CHD4: variants seen among roughly 807,000 people sequenced by gnomAD.
The protein encoded by CHD4 is chromodomain helicase DNA binding protein 4.
Under a neutral mutation model 235.5 loss-of-function variants are expected in CHD4, and 35 were observed. The observed-to-expected ratio is 0.15, with a 90% confidence interval of 0.11 to 0.20. CHD4 has a LOEUF of 0.20. Among genes scored for constraint, CHD4 ranks in the 10% least tolerant of loss-of-function variants. CHD4 has a pLI of 1.00. For missense variants in CHD4, 1,329 were observed against 2,432.3 expected (o/e 0.55, Z 9.54); for synonymous variants, 900 against 850.2 (o/e 1.06, Z -1.02).
chr12:6,583,777 G>A (rs951634838), intron 25 of CHD4: 7 of 164,156 alleles, frequency 4.3e-5, no homozygotes, highest in Admixed American at 3.8e-4. Context: ...GAGAAGGAAG[G>A]AGAGGATGAC....
At chr12:6,591,317 C>T (rs544978160) in intron 22 of CHD4, 149 bp downstream of exon 22, 28 of 632,922 alleles carry the variant, frequency 4.4e-5, no homozygotes, top group African/African-American at 4.0e-4. Context: ...CCAATACATT[C>T]GTCCAATTGA....
At chr12:6,571,359 T>G in intron 38 of CHD4, 1 of 276,666 alleles carries the variant, frequency 3.6e-6, no homozygotes, top group Non-Finnish European at 6.8e-6. Flanking sequence ...ATTCTTTTCC[T>G]TATTTCACCC....
chr12:6,584,095 T>C (rs540472922), intron 25 of CHD4: 28 of 152,204 alleles, frequency 1.8e-4, no homozygotes, highest in Non-Finnish European at 3.2e-4. Context: ...AGATGGAAAA[T>C]ATTCAGAGAA....
At position 6,581,018 on chromosome 12, in the gene CHD4, A is replaced by AC. The variant is rs1445891137; in HGVS notation, c.4909+25_4909+26insG. 1.9e-6 allele frequency: 3 copies of AC among 1,611,686 alleles called. No homozygotes were observed. The East Asian group carries it at 6.7e-5, about 36-fold the overall frequency. On this transcript the variant is annotated intron_variant, in intron 33 of 39. Transcript: ENST00000544040. ...TACACTGTCTCAAAACAAACAAACA[A>AC]ACAAAAAAAATGTGGATACCTTTAC...
chr12:6,588,695 T>A (rs1252633658), intron 22 of CHD4, among the ~76,000 whole-genome samples: 1 of 151,864 alleles, frequency 6.6e-6, no homozygotes, highest in Admixed American at 6.6e-5. Flanking sequence ...GGAGAACCGC[T>A]TGAACCTGGT....
In CHD4 at chr12:6,600,525, GAA is replaced by G; in HGVS notation, c.1063+7_1063+8del. 6.2e-7 allele frequency: 1 copy of G among 1,610,254 alleles called. No homozygotes were observed. Among genetic ancestry groups the G allele is most frequent in the Non-Finnish European group, 8.5e-7 (1 of 1,179,270 alleles). ...CATCCCATCACAAATATACAGAAGA[GAA>G]ACACACCTTTCTTTTTCTTTTTAGT... On this transcript the variant is annotated splice_region_variant and intron_variant, in intron 8 of 39. Transcript: ENST00000544040.
At chr12:6,606,906 C>G (rs564364403) in intron 1 of CHD4, 41 of 146,618 alleles carry the variant, frequency 2.8e-4, no homozygotes, top group African/African-American at 9.7e-4. Flanking sequence ...AGGTTCTCCT[C>G]AAGAGCTGCG....
rs752632870 is a variant in CHD4 at position 6,591,843 on chromosome 12, G to A, written c.3091-18C>T. The A allele has an allele frequency of 5.0e-6, 8 of 1,613,578 alleles. No individual in the cohort carries two copies. In the East Asian group the frequency reaches 1.3e-4, roughly 27 times the overall value. ...GGAGCTTCCTGAGAACAAATGCAAA[G>A]AAAAAAGTATTAAAAGAAAGCCCAC... is the stretch of plus-strand genomic sequence containing the variant. On this transcript the variant is annotated intron_variant, in intron 20 of 39. Transcript: ENST00000544040.
rs1217745449 is a variant in CHD4 at position 6,591,638 on chromosome 12, T to TA, written c.3222+55dup. 6 of 1,613,760 alleles carry TA rather than the reference T, an allele frequency of 3.7e-6. No individual in the cohort carries two copies. The African/African-American group carries it at 6.7e-5, about 18-fold the overall frequency. ...AGAGTCAGATGGTAATCCCTTTCCT[T>TA]AGGTCACTAAGGGTTGTCTATGACT... On this transcript the variant is annotated intron_variant, in intron 21 of 39. Transcript: ENST00000544040.
At chr12:6,578,202 C>G in intron 35 of CHD4, 65 bp from the exon 36 acceptor site, 1 of 1,460,742 alleles carries the variant, frequency 6.8e-7, no homozygotes, top group Non-Finnish European at 9.5e-7. Context: ...ATTGAAAAAG[C>G]TACTTATTCT....
chr12:6,573,475 A>T (rs1012089416), intron 37 of CHD4: 1 of 377,764 alleles, frequency 2.6e-6, no homozygotes, highest in Non-Finnish European at 4.7e-6. Flanking sequence ...CATTTTTAAA[A>T]CTCTTTACCC....
chr12:6,576,957 G>A (rs1359880391), intron 37 of CHD4, among the ~76,000 whole-genome samples: 2 of 148,932 alleles, frequency 1.3e-5, no homozygotes, highest in Admixed American at 6.7e-5. Context: ...TTTTTTTTGA[G>A]ACAGAGTCTC....
At chr12:6,597,637 G>A (rs1338866316) in intron 12 of CHD4, among the ~76,000 whole-genome samples, 3 of 151,618 alleles carry the variant, frequency 2.0e-5, no homozygotes, top group African/African-American at 7.3e-5. Flanking sequence ...ATGGTGGCTT[G>A]CGCCTGTAGT....
At chr12:6,592,348 T>G in intron 19 of CHD4, 45 bp downstream of exon 19, 2 of 1,538,436 alleles carry the variant, frequency 1.3e-6, no homozygotes, top group Non-Finnish European at 1.7e-6. Context: ...CTCTGCAGAC[T>G]GGCAGATGTC....
Position 6,602,050 on chromosome 12 carries a change from C to T in CHD4, c.348G>A (p.Lys116=), listed in dbSNP as rs568497750. ...EGSDYTPGKK[K]KKKLGPKKEK... ...CTTTCTTAGGTCCAAGCTTCTTCTTCTTCTTCTTGCCAGGAGTATAGTCGC... is the reference window on the plus strand; with the variant it reads ...CTTTCTTAGGTCCAAGCTTCTTCTTTTTCTTCTTGCCAGGAGTATAGTCGC... The change falls in exon 4 of 40, where the codon AAG becomes AAA. Residue 116 remains lysine (K), a synonymous_variant. Coordinates refer to ENST00000544040, the MANE Select transcript of CHD4 (RefSeq NM_001273.5). 43 of 1,613,312 alleles carry T rather than the reference C, an allele frequency of 2.7e-5. No individual in the cohort carries two copies. In the South Asian group the frequency reaches 3.5e-4, roughly 13 times the overall value.
At chr12:6,584,737 A>G (rs1172736025) in intron 25 of CHD4, 1 of 152,232 alleles carries the variant, frequency 6.6e-6, no homozygotes, top group African/African-American at 2.4e-5. Context: ...AAAACTTAAA[A>G]ATATTTTAAA....
intron 30 of CHD4, 77 bp downstream of exon 30, chr12:6,582,060 C>T: frequency 6.9e-7 from 1 of 1,444,280 alleles, no homozygotes; most frequent in East Asian, 2.4e-5. Flanking sequence ...GCCTCAGCCT[C>T]CCAAAGTGCT....
intron 15 of CHD4, 36 bp downstream of exon 15, chr12:6,594,423 C>T (rs750511072): frequency 5.1e-6 from 8 of 1,560,098 alleles, no homozygotes; most frequent in African/African-American, 4.1e-5. Context: ...ACACAAAACA[C>T]CCACACAAAA....
Position 6,597,900 on chromosome 12 carries a change from T to C in CHD4, c.1886A>G (p.Asn629Ser). The C allele has an allele frequency of 2.5e-6, 4 of 1,614,100 alleles. No homozygotes were observed. Among genetic ancestry groups the C allele is most frequent in the Non-Finnish European group, 3.4e-6 (4 of 1,179,928 alleles). ...CCGTGTGCTCAGCTGGTACCTGTGGTTGAGGATTCGGTGGATCATCATCCA... is the reference window on the plus strand; with the variant it reads ...CCGTGTGCTCAGCTGGTACCTGTGGCTGAGGATTCGGTGGATCATCATCCA... Reference protein sequence around the residue: ...PEWMMIHRILNHSVDKKGHVH... With the variant: ...PEWMMIHRILSHSVDKKGHVH... Residue 629 changes from asparagine (N) to serine (S), a missense_variant, in exon 12 of 40, where the codon AAC becomes AGC. Physicochemically the swap from Asn to Ser is conservative, Grantham distance 46. Transcript: ENST00000544040.
Sources: gnomAD v4.1 joint callset for allele counts (sites outside exome capture counted in the v4.1 genomes callset) on GRCh38, gnomAD v4.1.1 for gene constraint, MANE v1.5 for transcripts, NCBI Gene and HGNC (gene_info 2026-07-23, HGNC 2026-07-21) for gene names.